Variants in PRCP observed in about 807,000 individuals in gnomAD.
PRCP encodes prolylcarboxypeptidase, also known as lysosomal Pro-X carboxypeptidase.
PRCP carries 46 observed loss-of-function variants against 54.2 expected under a neutral mutation model. The ratio of observed to expected loss-of-function variants is 0.85; its 90% CI spans 0.67 to 1.09. The LOEUF is 1.09. Among genes scored for constraint, PRCP ranks in the 50% least tolerant of loss-of-function variants. The probability of loss-of-function intolerance (pLI) is 0.00; values close to 1 mark genes in which losing one functional copy is unlikely to be tolerated. For synonymous variants in PRCP, 240 were observed against 212.2 expected, an observed-to-expected ratio of 1.13 and a Z score of -1.14; for missense variants, 613 against 596.8, an observed-to-expected ratio of 1.03 and a Z score of -0.28.
rs556964980 is a variant in PRCP at position 82,889,614 on chromosome 11, G to A, written c.168+10621C>T. Among the ~76,000 whole-genome samples, 5 of 152,052 alleles carry A rather than the reference G, an allele frequency of 3.3e-5. No homozygotes were observed. The East Asian group carries it at 7.7e-4, about 23-fold the overall frequency. On this transcript the variant is annotated intron_variant, in intron 1 of 8. Transcript: ENST00000313010. ...AGCTCCTGGAGGAGGCAGTGTTAGA[G>A]GTAGGGGTTAAAAAATGGAATGGGA... is the stretch of plus-strand genomic sequence containing the variant.
At chr11:82,876,481 C>A (rs1394101532) in intron 1 of PRCP, among the ~76,000 whole-genome samples, 1 of 152,196 alleles carries the variant, frequency 6.6e-6, no homozygotes, top group African/African-American at 2.4e-5. Context: ...TGTGTCCCCA[C>A]CCAAATCTCA....
intron 1 of PRCP, among the ~76,000 whole-genome samples, chr11:82,892,906 A>C (rs1346577653): frequency 2.0e-5 from 3 of 152,202 alleles, no homozygotes; most frequent in Non-Finnish European, 4.4e-5. Flanking sequence ...ATAGTCATCT[A>C]TGCCTGGCCA....
chr11:82,841,495 C>A (rs1051521882), intron 6 of PRCP, among the ~76,000 whole-genome samples: 7 of 152,068 alleles, frequency 4.6e-5, no homozygotes, highest in South Asian at 4.1e-4. Context: ...TTTCTCAGAA[C>A]CTTTAACATG....
chr11:82,828,289 C>T (rs780824372), intron 8 of PRCP: 6 of 152,168 alleles, frequency 3.9e-5, no homozygotes, highest in Non-Finnish European at 7.3e-5. Flanking sequence ...TGTTGGAAGT[C>T]GACAGCTTAC....
intron 1 of PRCP, among the ~76,000 whole-genome samples, chr11:82,868,851 C>A (rs1156291954): frequency 6.6e-6 from 1 of 151,948 alleles, no homozygotes. Context: ...GCCTGCCCAA[C>A]ATGGCAAAAC....
intron 1 of PRCP, among the ~76,000 whole-genome samples, chr11:82,888,970 A>C (rs1015140413): frequency 6.6e-6 from 1 of 152,210 alleles, no homozygotes; most frequent in Non-Finnish European, 1.5e-5. Flanking sequence ...ATAAGAGAGG[A>C]GTATAAAAGA....
chr11:82,871,685 G>T (rs1859487071), intron 1 of PRCP, among the ~76,000 whole-genome samples: 1 of 152,138 alleles, frequency 6.6e-6, no homozygotes, highest in African/African-American at 2.4e-5. Flanking sequence ...ATCCAATCTT[G>T]CATACTACCA....
intron 1 of PRCP, among the ~76,000 whole-genome samples, chr11:82,867,321 C>T (rs11233354): frequency 0.27 from 40,588 of 152,132 alleles, 5,606 homozygotes; most frequent in Admixed American, 0.32. Context: ...CCAAGAACTC[C>T]TGGGCCCAGA....
At chr11:82,901,472 A>AGGG (rs925443031), upstream of PRCP, 7 of 159,208 alleles carry the variant, frequency 4.4e-5, no homozygotes, top group African/African-American at 1.7e-4. Flanking sequence ...GCCAGACCCC[A>AGGG]GGGCGCTGCG....
chr11:82,839,662 C>T (rs1426339287), intron 6 of PRCP: 1 of 476,812 alleles, frequency 2.1e-6, no homozygotes, highest in African/African-American at 2.1e-5. Flanking sequence ...GCAAAGTCCT[C>T]TCCATCTACC....
chr11:82,839,565 CTT>C (rs1858610996), intron 6 of PRCP, 140 bp from the exon 7 acceptor site: 8 of 921,822 alleles, frequency 8.7e-6, no homozygotes, highest in Non-Finnish European at 1.3e-5. Context: ...TAATTTCTCT[CTT>C]GGGTTTAATC....
intron 2 of PRCP, among the ~76,000 whole-genome samples, chr11:82,856,992 G>A (rs953244657): frequency 3.6e-5 from 5 of 137,084 alleles, no homozygotes; most frequent in African/African-American, 1.1e-4. Flanking sequence ...CCGAGATAGC[G>A]CCACTGCACT....
At chr11:82,889,731 T>C (rs1358493467) in intron 1 of PRCP, among the ~76,000 whole-genome samples, 2 of 152,184 alleles carry the variant, frequency 1.3e-5, no homozygotes, top group Admixed American at 1.3e-4. Flanking sequence ...AATGGGCATA[T>C]GTGGTGAATA....
chr11:82,894,161 G>A (rs1860066063), intron 1 of PRCP, among the ~76,000 whole-genome samples: 1 of 152,000 alleles, frequency 6.6e-6, no homozygotes, highest in Non-Finnish European at 1.5e-5. Context: ...CTACCATCAA[G>A]GTATTCTCCT....
intron 1 of PRCP, among the ~76,000 whole-genome samples, chr11:82,868,762 C>T (rs1228656854): frequency 6.6e-6 from 1 of 152,174 alleles, no homozygotes; most frequent in African/African-American, 2.4e-5. Flanking sequence ...TGGGCTGCCA[C>T]AATGGCTCAC....
intron 7 of PRCP, 66 bp from the exon 8 acceptor site, chr11:82,838,640 A>T: frequency 1.3e-6 from 2 of 1,490,388 alleles, no homozygotes; most frequent in South Asian, 2.6e-5. Context: ...AATAAATTAC[A>T]CAAAGTCATA....
intron 6 of PRCP, among the ~76,000 whole-genome samples, chr11:82,841,270 A>AAAC (rs1858663951): frequency 6.7e-6 from 1 of 148,932 alleles, no homozygotes; most frequent in African/African-American, 2.5e-5. Context: ...CAGCGGGGGA[A>AAAC]AAAAAAAAAA....
At chr11:82,875,996 A>AT (rs1261222218) in intron 1 of PRCP, among the ~76,000 whole-genome samples, 8 of 151,686 alleles carry the variant, frequency 5.3e-5, no homozygotes, top group Non-Finnish European at 1.2e-4. Context: ...GCATCATTAC[A>AT]AAAAAAAATT....
At chr11:82,881,727 G>C (rs1859754080) in intron 1 of PRCP, among the ~76,000 whole-genome samples, 1 of 152,156 alleles carries the variant, frequency 6.6e-6, no homozygotes, top group Admixed American at 6.5e-5. Flanking sequence ...TGATTGACTG[G>C]ATTTTGGTTT....
Sources: gnomAD v4.1 joint callset for allele counts (sites outside exome capture counted in the v4.1 genomes callset) on GRCh38, gnomAD v4.1.1 for gene constraint, MANE v1.5 for transcripts, NCBI Gene and HGNC (gene_info 2026-07-23, HGNC 2026-07-21) for gene names.